The following PTPN4 variants were observed in gnomAD, a reference collection of about 807,000 sequenced individuals.
PTPN4 encodes the protein tyrosine-protein phosphatase non-receptor type 4.
PTPN4 carries 49 observed loss-of-function variants against 135.5 expected under a neutral mutation model. That is an observed-to-expected ratio of 0.36 (90% CI 0.29 to 0.46). The LOEUF (loss-of-function observed/expected upper bound fraction) is 0.46, where lower values mean the gene tolerates loss of function less well. Ranked by LOEUF, PTPN4 falls within the 20% of genes least tolerant of loss-of-function variation. The probability of loss-of-function intolerance (pLI) is 1.00; values close to 1 mark genes in which losing one functional copy is unlikely to be tolerated. For missense variants in PTPN4, 860 were observed against 1,101.0 expected (o/e 0.78, Z 3.10); for synonymous variants, 333 against 369.9 (o/e 0.90, Z 1.14).
chr2:119,947,034 CTT>C (rs1242291033), intron 18 of PTPN4, among the ~76,000 whole-genome samples: 1 of 152,006 alleles, frequency 6.6e-6, no homozygotes, highest in Non-Finnish European at 1.5e-5. Flanking sequence ...GTAGAGAAAA[CTT>C]ATATATCCAT....
chr2:119,957,618 T>G (rs903399299), intron 22 of PTPN4, among the ~76,000 whole-genome samples: 1 of 152,068 alleles, frequency 6.6e-6, no homozygotes, highest in Non-Finnish European at 1.5e-5. Context: ...GAGGCATTTT[T>G]TTTTCTTACC....
intron 2 of PTPN4, among the ~76,000 whole-genome samples, chr2:119,844,318 C>T (rs1418875451): frequency 3.6e-5 from 5 of 137,886 alleles, no homozygotes; most frequent in East Asian, 2.2e-4. Context: ...GGCGGCTGGC[C>T]GGACGGGGCG....
chr2:119,779,030 G>A (rs1423779903), intron 1 of PTPN4, among the ~76,000 whole-genome samples: 1 of 152,146 alleles, frequency 6.6e-6, no homozygotes, highest in Admixed American at 6.5e-5. Context: ...AAATTTTAGA[G>A]CAAAACCTGT....
At chr2:119,788,527 G>GGAGC (rs1691084899) in intron 1 of PTPN4, among the ~76,000 whole-genome samples, 1 of 152,036 alleles carries the variant, frequency 6.6e-6, no homozygotes, top group Non-Finnish European at 1.5e-5. Flanking sequence ...ACATTCCTGT[G>GGAGC]GAGCCATCAC....
intron 2 of PTPN4, among the ~76,000 whole-genome samples, chr2:119,815,016 T>G (rs1433140826): frequency 1.3e-5 from 2 of 152,206 alleles, no homozygotes; most frequent in African/African-American, 2.4e-5. Context: ...TGAGCACAAT[T>G]AAGGTGACCA....
chr2:119,877,920 T>C (rs1426938374), intron 5 of PTPN4, among the ~76,000 whole-genome samples: 1 of 152,148 alleles, frequency 6.6e-6, no homozygotes, highest in Non-Finnish European at 1.5e-5. Flanking sequence ...TGAAAGCATA[T>C]TCTAGTATCT....
rs184806041 is a variant in PTPN4 at position 119,861,186 on chromosome 2, T to C, written c.139-1350T>C. ...TGGGTGCATGTAAAAGGGATAGAAC[T>C]CCAGGGGCAGCCTCACTTTATACCA... On this transcript the variant is annotated intron_variant, in intron 2 of 26. Transcript: ENST00000263708. 5.3e-5 allele frequency among the ~76,000 whole-genome samples: 8 copies of C among 152,130 alleles called. No homozygotes were observed. The Middle Eastern group carries it at 0.017, about 323-fold the overall frequency.
intron 22 of PTPN4, among the ~76,000 whole-genome samples, chr2:119,958,741 T>C (rs1322347098): frequency 6.6e-6 from 1 of 152,234 alleles, no homozygotes; most frequent in Non-Finnish European, 1.5e-5. Flanking sequence ...TACTGTTGTT[T>C]CTGTTTAAAG....
At chr2:119,777,025 T>C (rs1690849285) in intron 1 of PTPN4, among the ~76,000 whole-genome samples, 1 of 152,236 alleles carries the variant, frequency 6.6e-6, no homozygotes, top group African/African-American at 2.4e-5. Context: ...CATTCTTTCT[T>C]AGAGTAAAAG....
At chr2:119,901,566 A>G (rs909385460) in intron 10 of PTPN4, among the ~76,000 whole-genome samples, 4 of 152,248 alleles carry the variant, frequency 2.6e-5, no homozygotes, top group Non-Finnish European at 5.9e-5. Context: ...TATCATATCC[A>G]GCATTTAGCA....
At chr2:119,889,413 C>G (rs1189289387) in intron 9 of PTPN4, among the ~76,000 whole-genome samples, 3 of 152,084 alleles carry the variant, frequency 2.0e-5, no homozygotes, top group African/African-American at 4.8e-5. Flanking sequence ...GAGAGAGACT[C>G]TGTCTCAAAA....
chr2:119,955,016 A>G, intron 19 of PTPN4, 141 bp from the exon 20 acceptor site: 1 of 738,548 alleles, frequency 1.4e-6, no homozygotes, highest in Non-Finnish European at 2.1e-6. Flanking sequence ...CCATAGTGAC[A>G]CCAGACTCAG....
chr2:119,828,991 A>T (rs1677183735), intron 2 of PTPN4, among the ~76,000 whole-genome samples: 1 of 152,184 alleles, frequency 6.6e-6, no homozygotes, highest in Non-Finnish European at 1.5e-5. Context: ...TTTCCCCTGA[A>T]ACTGGAAACA....
At chr2:119,928,853 C>T (rs72971052) in intron 13 of PTPN4, among the ~76,000 whole-genome samples, 3,852 of 151,962 alleles carry the variant, frequency 0.025, 167 homozygotes, top group African/African-American at 0.087. Flanking sequence ...AGTACCAGAT[C>T]GTAGGCATAT....
chr2:119,956,092 A>G (rs1679277418), intron 20 of PTPN4, among the ~76,000 whole-genome samples: 1 of 152,040 alleles, frequency 6.6e-6, no homozygotes, highest in East Asian at 1.9e-4. Flanking sequence ...AAAAACCAAA[A>G]CTTTCAGACA....
chr2:119,806,571 A>C (rs1232293889), intron 1 of PTPN4, among the ~76,000 whole-genome samples: 4 of 152,220 alleles, frequency 2.6e-5, no homozygotes, highest in African/African-American at 7.2e-5. Flanking sequence ...ACCGAGATTC[A>C]TAAAACAAGT....
At chr2:119,880,466 G>A (rs1192913346) in intron 5 of PTPN4, among the ~76,000 whole-genome samples, 1 of 149,714 alleles carries the variant, frequency 6.7e-6, no homozygotes, top group Non-Finnish European at 1.5e-5. Flanking sequence ...GTCTCACTCT[G>A]TCGCCTAGGC....
rs375159618 is a variant in PTPN4 at position 119,811,696 on chromosome 2, A to G, written c.138+1705A>G. Among the ~76,000 whole-genome samples the G allele has an allele frequency of 6.6e-4, 100 of 152,166 alleles. 2 individuals carry two copies. The South Asian group carries it at 0.02, about 30-fold the overall frequency. ...TTGTCTTAGCTTAAATTTAGCTACT[A>G]TTTAGTTTTCATTTTAACTATAGTT... On this transcript the variant is annotated intron_variant, in intron 2 of 26. Coordinates refer to ENST00000263708, the MANE Select transcript of PTPN4 (RefSeq NM_002830.4).
At chr2:119,768,626 AT>A (rs1358629001) in intron 1 of PTPN4, among the ~76,000 whole-genome samples, 4 of 152,056 alleles carry the variant, frequency 2.6e-5, no homozygotes, top group African/African-American at 9.7e-5. Flanking sequence ...ATTGGTTCCT[AT>A]TATCTCCTCA....
Sources: allele counts gnomAD v4.1 joint callset (sites outside exome capture counted in the v4.1 genomes callset), GRCh38; gene constraint gnomAD v4.1.1; transcripts MANE v1.5; gene names NCBI Gene and HGNC (gene_info 2026-07-23, HGNC 2026-07-21).